The following FRMPD2 variants were observed in gnomAD, a reference collection of about 807,000 sequenced individuals.
FRMPD2 encodes the protein FERM and PDZ domain containing 2.
FRMPD2 carries 96 observed loss-of-function variants against 140.1 expected under a neutral mutation model. That is an observed-to-expected ratio of 0.69 (90% CI 0.58 to 0.81). The LOEUF (loss-of-function observed/expected upper bound fraction) is 0.81, where lower values mean the gene tolerates loss of function less well. Among genes scored for constraint, FRMPD2 ranks in the 40% least tolerant of loss-of-function variants. The pLI, the probability that FRMPD2 is intolerant of heterozygous loss-of-function variation, is 0.00. For synonymous variants in FRMPD2, 449 were observed against 547.6 expected (o/e 0.82, Z 2.52); for missense variants, 1,240 against 1,447.4 (o/e 0.86, Z 2.32).
chr10:48,175,216 C>T, intron 23 of FRMPD2: 1 of 619,960 alleles, frequency 1.6e-6, no homozygotes, highest in African/African-American at 1.8e-5. Flanking sequence ...CAGCTCTGTT[C>T]AACCTTATCC....
At position 48,249,020 on chromosome 10, in the gene FRMPD2, C is replaced by T. The variant is rs1840316022; in HGVS notation, c.309+1G>A. On this transcript the variant is annotated splice_donor_variant, in intron 3 of 28. Transcript: ENST00000374201. LOFTEE classifies it high-confidence loss of function. ...AGTTGCAGAGTAGCTGCACAGCTTACCTGAGATGCATCAGGCTGCTCATCC... is the reference window on the plus strand; with the variant it reads ...AGTTGCAGAGTAGCTGCACAGCTTATCTGAGATGCATCAGGCTGCTCATCC... The T allele has an allele frequency of 1.2e-6, 2 of 1,608,526 alleles. No homozygotes were observed. Among genetic ancestry groups the T allele is most frequent in the Non-Finnish European group, 1.7e-6 (2 of 1,176,976 alleles).
At position 48,183,738 on chromosome 10, in the gene FRMPD2, G is replaced by T. The variant is rs557366254; in HGVS notation, c.2584+828C>A. 7.9e-5 allele frequency among the ~76,000 whole-genome samples: 12 copies of T among 151,514 alleles called. No individual in the cohort carries two copies. In the South Asian group the frequency reaches 2.5e-3, roughly 32 times the overall value. On this transcript the variant is annotated intron_variant, in intron 20 of 28. Transcript: ENST00000374201. Reference sequence around the variant, plus strand: ...GTGGCAGCGCGTGCCTGTAATCCCAGCTACTCAGGAGGCTGAGGCAGGAGA... The same window carrying T: ...GTGGCAGCGCGTGCCTGTAATCCCATCTACTCAGGAGGCTGAGGCAGGAGA...
Position 48,193,524 on chromosome 10 carries a change from C to T in FRMPD2, c.1955-630G>A, listed in dbSNP as rs116481977. On this transcript the variant is annotated intron_variant, in intron 15 of 28. Transcript: ENST00000374201. ...TTTGATGAAGTCTTGAACTTAAGAC[C>T]ATGGATGTGATTAACTCCCCACTTC... Among the ~76,000 whole-genome samples the T allele has an allele frequency of 5.4e-3, 825 of 152,128 alleles. 8 individuals are homozygous for T. Among genetic ancestry groups the T allele is most frequent in the African/African-American group, 0.018 (762 of 41,498 alleles).
intron 11 of FRMPD2, among the ~76,000 whole-genome samples, chr10:48,222,867 A>G (rs1588839337): frequency 1.3e-5 from 2 of 152,080 alleles, no homozygotes; most frequent in East Asian, 3.9e-4. Context: ...ACAGACAGAG[A>G]ATTTTGACCT....
chr10:48,222,600 A>T (rs374001949), intron 11 of FRMPD2, 149 bp from the exon 12 acceptor site: 1 of 800,418 alleles, frequency 1.2e-6, no homozygotes, highest in Non-Finnish European at 2.0e-6. Context: ...CAGCAAGACA[A>T]GTGTGGTCTC....
At chr10:48,225,964 G>T (rs1303840304) in intron 10 of FRMPD2, among the ~76,000 whole-genome samples, 1 of 152,116 alleles carries the variant, frequency 6.6e-6, no homozygotes, top group African/African-American at 2.4e-5. Flanking sequence ...TAGGGGATTT[G>T]GCATCCTTTC....
At position 48,181,887 on chromosome 10, in the gene FRMPD2, T is replaced by TACACAC. The variant is rs56127751; in HGVS notation, c.2585-885_2585-880dup. Among the ~76,000 whole-genome samples the TACACAC allele has an allele frequency of 7.4e-3, 827 of 111,464 alleles. 13 individuals are homozygous for TACACAC. Among genetic ancestry groups the TACACAC allele is most frequent in the African/African-American group, 0.019 (607 of 31,174 alleles). The allele number at this position is 111,464 out of a possible 152,430, so 73.1% of individuals were successfully genotyped here. A position where few individuals can be genotyped will look rare whatever the true frequency, so the allele number is the denominator to read the frequency against. On this transcript the variant is annotated intron_variant, in intron 20 of 28. Coordinates refer to ENST00000374201, the MANE Select transcript of FRMPD2 (RefSeq NM_001018071.4). ...TATATATATATATATATGGCTCTCA[T>TACACAC]ACACACACACACACACACACACACA...
chr10:48,193,859 C>T (rs1838895456), intron 15 of FRMPD2, among the ~76,000 whole-genome samples: 1 of 152,126 alleles, frequency 6.6e-6, no homozygotes, highest in African/African-American at 2.4e-5. Flanking sequence ...CTCTTCTCTA[C>T]AATGGTGTCT....
intron 10 of FRMPD2, 144 bp downstream of exon 10, chr10:48,231,971 C>T (rs754117937): frequency 4.2e-5 from 29 of 684,272 alleles, no homozygotes; most frequent in Non-Finnish European, 4.9e-5. Flanking sequence ...TTGAAGCCCT[C>T]GTCATGCTGA....
intron 10 of FRMPD2, 52 bp from the exon 11 acceptor site, chr10:48,223,322 A>G (rs760600477): frequency 5.8e-6 from 9 of 1,558,050 alleles, no homozygotes; most frequent in Admixed American, 1.7e-5. Flanking sequence ...GGATTGCACC[A>G]TCTCTCAGAC....
chr10:48,224,019 G>T (rs1839668970), intron 10 of FRMPD2, among the ~76,000 whole-genome samples: 2 of 152,192 alleles, frequency 1.3e-5, no homozygotes, highest in Non-Finnish European at 2.9e-5. Context: ...GTGGTATTTT[G>T]TTAGAGCAGC....
Position 48,211,963 on chromosome 10 carries a change from C to T in FRMPD2, c.1602G>A (p.Lys534=). 8 of 1,613,554 alleles carry T rather than the reference C, an allele frequency of 5.0e-6. No individual in the cohort carries two copies. Among genetic ancestry groups the T allele is most frequent in the Non-Finnish European group, 6.8e-6 (8 of 1,179,810 alleles). The change falls in exon 13 of 29, where the codon AAG becomes AAA. Residue 534 remains lysine (K), a synonymous_variant. Transcript: ENST00000374201. ...SALWGEDAEL[K]FLRVTQQLPE... ...GTCAGGAAGGCCTTACCCTCAAGAA[C>T]TTCAGCTCAGCATCCTCTCCCCACA...
intron 20 of FRMPD2, among the ~76,000 whole-genome samples, chr10:48,182,700 TTGTC>T (rs1247477352): frequency 4.4e-5 from 4 of 90,676 alleles, no homozygotes; most frequent in African/African-American, 1.2e-4. Flanking sequence ...GGGAAACTCA[TTGTC>T]TGGAATTCTA....
At chr10:48,171,507 A>G (rs1220301131) in intron 25 of FRMPD2, among the ~76,000 whole-genome samples, 1 of 152,300 alleles carries the variant, frequency 6.6e-6, no homozygotes, top group Non-Finnish European at 1.5e-5. Context: ...GTAAAAGGAA[A>G]CAGGTTAAAT....
At chr10:48,212,777 C>G (rs909744618) in intron 12 of FRMPD2, among the ~76,000 whole-genome samples, 7 of 152,102 alleles carry the variant, frequency 4.6e-5, no homozygotes, top group African/African-American at 1.7e-4. Context: ...TGCATCCCCC[C>G]AGGAGAGGGT....
intron 20 of FRMPD2, among the ~76,000 whole-genome samples, chr10:48,182,365 T>C (rs1010138573): frequency 5.9e-5 from 9 of 152,336 alleles, no homozygotes; most frequent in Middle Eastern, 3.4e-3. Context: ...ACTGGTGTCC[T>C]GCCTAGTAGA....
At chr10:48,192,029 C>T (rs572434689) in intron 16 of FRMPD2, among the ~76,000 whole-genome samples, 14 of 152,272 alleles carry the variant, frequency 9.2e-5, no homozygotes, top group Middle Eastern at 3.4e-3. Flanking sequence ...GATATGTACA[C>T]GTGCTCAGAA....
intron 1 of FRMPD2, among the ~76,000 whole-genome samples, chr10:48,254,349 C>A (rs1305900164): frequency 2.0e-5 from 3 of 152,310 alleles, no homozygotes; most frequent in East Asian, 3.9e-4. Flanking sequence ...CGCTGCTAGG[C>A]AAAAATGCAA....
At chr10:48,234,786 G>C (rs1422250096) in intron 9 of FRMPD2, among the ~76,000 whole-genome samples, 1 of 152,168 alleles carries the variant, frequency 6.6e-6, no homozygotes, top group Non-Finnish European at 1.5e-5. Context: ...CCTAGACCTG[G>C]TGTGTAGGTC....
Sources: allele counts gnomAD v4.1 joint callset (sites outside exome capture counted in the v4.1 genomes callset), GRCh38; gene constraint gnomAD v4.1.1; transcripts MANE v1.5; gene names NCBI Gene and HGNC (gene_info 2026-07-23, HGNC 2026-07-21).